Variants in CLTCL1 observed in about 807,000 individuals in gnomAD.
CLTCL1 encodes clathrin heavy chain 2.
A neutral mutation model predicts 190.0 loss-of-function variants in CLTCL1; 159 were observed. The ratio of observed to expected loss-of-function variants is 0.84; its 90% CI spans 0.74 to 0.95. The LOEUF is 0.95. CLTCL1 is among the 40% of genes least tolerant of loss of function. CLTCL1 has a pLI of 0.00. For missense variants in CLTCL1, 1,878 were observed against 2,033.4 expected (o/e 0.92, Z 1.47); for synonymous variants, 752 against 769.6 (o/e 0.98, Z 0.38).
At position 19,201,441 on chromosome 22, in the gene CLTCL1, T is replaced by C. The variant is rs781810282; in HGVS notation, c.3653A>G (p.Tyr1218Cys). 23 of 1,613,928 alleles carry C rather than the reference T, an allele frequency of 1.4e-5. No homozygotes were observed. The highest frequency in any genetic ancestry group is 1.9e-5 in the Non-Finnish European group (23 of 1,179,820). The change falls in exon 23 of 33, where the codon TAT (tyrosine) becomes TGT (cysteine). Residue 1218 changes from tyrosine to cysteine, a missense_variant. Coordinates refer to ENST00000427926, the MANE Select transcript of CLTCL1 (RefSeq NM_007098.4). ...GCGGGCAAAGTTAGAAACATTGCTA[T>C]AGAGCAGCTTGGCAGCCTCGTACAT... ...EGMYEAAKLL[Y>C]SNVSNFARLA...
rs182434700 is a variant in CLTCL1 at position 19,187,583 on chromosome 22, A to C, written c.4580T>G (p.Leu1527Arg). 3.2e-4 allele frequency: 509 copies of C among 1,612,648 alleles called. No homozygotes were observed. The highest frequency in any genetic ancestry group is 2.2e-3 in the African/African-American group (164 of 75,000). The part of the protein sequence containing the change: ...GNNWWAQSVE[L>R]CKKDHLYKDA... ...CTTGTAGAGATGATCCTTCTTGCAGAGCTCCACGCTCTGGGCCCACCAGTT... is the reference window on the plus strand; with the variant it reads ...CTTGTAGAGATGATCCTTCTTGCAGCGCTCCACGCTCTGGGCCCACCAGTT... The change falls in exon 29 of 33, where the codon CTC (leucine) becomes CGC (arginine). Residue 1527 changes from leucine (L) to arginine (R), a missense_variant. By Grantham distance (102) the Leu-to-Arg change is moderately radical. Coordinates refer to ENST00000427926, the MANE Select transcript of CLTCL1 (RefSeq NM_007098.4).
chr22:19,194,720 G>C (rs1555934530), intron 26 of CLTCL1, among the ~76,000 whole-genome samples: 1 of 152,216 alleles, frequency 6.6e-6, no homozygotes, highest in African/African-American at 2.4e-5. Context: ...ACAGTGAATG[G>C]CTGAGCTGGG....
intron 26 of CLTCL1, among the ~76,000 whole-genome samples, chr22:19,192,479 A>G (rs1185117263): frequency 6.6e-6 from 1 of 152,098 alleles, no homozygotes; most frequent in African/African-American, 2.4e-5. Flanking sequence ...AGTGGTGATG[A>G]ATGTGTCTGC....
chr22:19,235,989 G>T, intron 5 of CLTCL1, 120 bp from the exon 6 acceptor site: 2 of 899,896 alleles, frequency 2.2e-6, no homozygotes, highest in Non-Finnish European at 1.6e-6. Context: ...AGATAGGGTC[G>T]TGCTCTGTCA....
chr22:19,284,185 C>T (rs1555988742), intron 1 of CLTCL1, among the ~76,000 whole-genome samples: 1 of 152,170 alleles, frequency 6.6e-6, no homozygotes, highest in African/African-American at 2.4e-5. Context: ...GCTTAAGTTG[C>T]ACTGAACATC....
chr22:19,201,229 C>T, intron 23 of CLTCL1, 100 bp downstream of exon 23: 1 of 1,386,632 alleles, frequency 7.2e-7, no homozygotes, highest in African/African-American at 1.4e-5. Context: ...CCTGCCTGGG[C>T]AAGAGACCGG....
chr22:19,269,960 A>C (rs2087253810), intron 2 of CLTCL1, among the ~76,000 whole-genome samples: 1 of 152,180 alleles, frequency 6.6e-6, no homozygotes, highest in East Asian at 1.9e-4. Context: ...AAAAAAAAAA[A>C]AGAAATTGCA....
intron 2 of CLTCL1, chr22:19,257,560 A>T (rs2086800240): frequency 2.7e-6 from 1 of 376,632 alleles, no homozygotes; most frequent in Non-Finnish European, 5.2e-6. Context: ...TCTACTAACT[A>T]CCAGTCCCTG....
chr22:19,220,501 T>C (rs1191170124), intron 17 of CLTCL1, among the ~76,000 whole-genome samples: 1 of 152,252 alleles, frequency 6.6e-6, no homozygotes. Flanking sequence ...CTAAAAACTG[T>C]AAACTGTGCT....
intron 21 of CLTCL1, 137 bp from the exon 22 acceptor site, chr22:19,208,448 G>T: frequency 1.0e-6 from 1 of 984,928 alleles, no homozygotes; most frequent in Non-Finnish European, 1.5e-6. Flanking sequence ...TCCAGATAAC[G>T]TCTAGGAGGT....
intron 2 of CLTCL1, among the ~76,000 whole-genome samples, chr22:19,265,804 T>C (rs1226610937): frequency 6.6e-6 from 1 of 152,170 alleles, no homozygotes; most frequent in Non-Finnish European, 1.5e-5. Context: ...GTGCGCATGT[T>C]CCTGAAGCAG....
At chr22:19,218,987 G>C (rs1460927949) in intron 18 of CLTCL1, among the ~76,000 whole-genome samples, 1 of 152,094 alleles carries the variant, frequency 6.6e-6, no homozygotes, top group African/African-American at 2.4e-5. Flanking sequence ...CCAGCATGCA[G>C]GCATGACACC....
chr22:19,224,189 T>A, intron 13 of CLTCL1, 135 bp from the exon 14 acceptor site: 1 of 844,894 alleles, frequency 1.2e-6, no homozygotes, highest in African/African-American at 1.7e-5. Flanking sequence ...ATAATCAATA[T>A]GCCATTTGTC....
intron 2 of CLTCL1, among the ~76,000 whole-genome samples, chr22:19,259,124 A>G (rs1174944027): frequency 6.6e-6 from 1 of 152,066 alleles, no homozygotes; most frequent in Non-Finnish European, 1.5e-5. Context: ...GTTTTGTTTG[A>G]GACAGCGTTT....
At chr22:19,180,843 CAG>C (rs781890003) in intron 30 of CLTCL1, 37 bp from the exon 31 acceptor site, 51 of 1,589,158 alleles carry the variant, frequency 3.2e-5, no homozygotes, top group East Asian at 1.3e-4. Flanking sequence ...ACCCGCTTGA[CAG>C]AGTGCAGTCC....
At chr22:19,255,509 G>C (rs2086716357) in intron 2 of CLTCL1, among the ~76,000 whole-genome samples, 1 of 152,040 alleles carries the variant, frequency 6.6e-6, no homozygotes, top group Non-Finnish European at 1.5e-5. Flanking sequence ...GTTGCAGTGA[G>C]CCAAGATGAT....
At chr22:19,210,598 G>GT in intron 19 of CLTCL1, 89 bp from the exon 20 acceptor site, 7 of 1,128,566 alleles carry the variant, frequency 6.2e-6, no homozygotes, top group East Asian at 5.1e-5. Context: ...CAGACCCCCA[G>GT]TTTTTTTAAA....
intron 3 of CLTCL1, among the ~76,000 whole-genome samples, chr22:19,252,535 GC>G (rs1339959021): frequency 6.6e-6 from 1 of 152,092 alleles, no homozygotes; most frequent in Admixed American, 6.6e-5. Context: ...CTCTCTCATG[GC>G]TCCCACAGTA....
chr22:19,188,907 G>A (rs1555929960), intron 27 of CLTCL1, among the ~76,000 whole-genome samples: 2 of 151,852 alleles, frequency 1.3e-5, no homozygotes, highest in Admixed American at 6.6e-5. Flanking sequence ...GAGCCACTGC[G>A]CCCAGCCGGC....
Sources: gnomAD v4.1 joint callset for allele counts (sites outside exome capture counted in the v4.1 genomes callset) on GRCh38, gnomAD v4.1.1 for gene constraint, MANE v1.5 for transcripts, NCBI Gene and HGNC (gene_info 2026-07-23, HGNC 2026-07-21) for gene names.